RBM26: variants seen among roughly 807,000 people sequenced by gnomAD.
RBM26 encodes RNA binding motif protein 26.
A neutral mutation model predicts 123.6 loss-of-function variants in RBM26; 30 were observed. That is an observed-to-expected ratio of 0.24 (90% CI 0.18 to 0.33). RBM26 has a LOEUF of 0.33. Ranked by LOEUF, RBM26 falls within the 10% of genes least tolerant of loss-of-function variation. RBM26 has a pLI of 1.00. For missense variants in RBM26, 947 were observed against 1,203.6 expected (o/e 0.79, Z 3.15); for synonymous variants, 400 against 404.4 (o/e 0.99, Z 0.13).
In RBM26 at chr13:79,367,406, CAAAAAAA is replaced by C. The variant is rs776345304; in HGVS notation, c.896-541_896-535del. On this transcript the variant is annotated intron_variant, in intron 6 of 21. Transcript: ENST00000438737. The stretch of plus-strand genomic sequence containing the variant: ...TGGGGTATAGGGGGAGACTCCATCT[CAAAAAAA>C]AAAAAAAAAAAAAAAAAAAGAAGAA... 2.0e-3 allele frequency among the ~76,000 whole-genome samples: 79 copies of C among 39,656 alleles called. 1 individual carries two copies. Among genetic ancestry groups the C allele is most frequent in the East Asian group, 3.3e-3 (2 of 606 alleles). The allele number at this position is 39,656 out of a possible 152,430, so 26.0% of individuals were successfully genotyped here.
intron 19 of RBM26, among the ~76,000 whole-genome samples, chr13:79,336,571 A>G (rs917215721): frequency 6.6e-6 from 1 of 152,202 alleles, no homozygotes; most frequent in Non-Finnish European, 1.5e-5. Flanking sequence ...TAAATAATGG[A>G]TTAACAGAGA....
At position 79,371,231 on chromosome 13, in the gene RBM26, C is replaced by G. The variant is rs2075840836; in HGVS notation, c.417-69G>C. Reference sequence around the variant, plus strand: ...GACACAGGAAAAAGCTAATTAAATGCAAAAGTTACATTTAATTCTTGTAAC... The same window carrying G: ...GACACAGGAAAAAGCTAATTAAATGGAAAAGTTACATTTAATTCTTGTAAC... On this transcript the variant is annotated intron_variant, in intron 4 of 21. Coordinates refer to ENST00000438737, the MANE Select transcript of RBM26 (RefSeq NM_001366735.2). 3.2e-6 allele frequency: 4 copies of G among 1,234,302 alleles called. No homozygotes were observed. The Admixed American group carries it at 8.4e-5, about 26-fold the overall frequency. The allele number at this position is 1,234,302 out of a possible 1,614,324, so 76.5% of individuals were successfully genotyped here.
In RBM26 at chr13:79,337,361, A is replaced by AT. The variant is rs1179512434; in HGVS notation, c.2533-60dup. The AT allele has an allele frequency of 6.3e-6, 10 of 1,575,136 alleles. No individual in the cohort carries two copies. The Admixed American group carries it at 1.7e-4, about 27-fold the overall frequency. On this transcript the variant is annotated intron_variant, in intron 18 of 21. Transcript: ENST00000438737. ...CTGTGATTACTAACACAAGCCAAGC[A>AT]TTACACTCTGGCAGATGAATAAAAC...
chr13:79,359,056 TCA>T (rs1412573173), intron 10 of RBM26, among the ~76,000 whole-genome samples: 1 of 152,160 alleles, frequency 6.6e-6, no homozygotes, highest in Non-Finnish European at 1.5e-5. Flanking sequence ...TAGTCTCTCT[TCA>T]CAGATTTATT....
intron 1 of RBM26, among the ~76,000 whole-genome samples, chr13:79,384,010 T>C (rs1344479313): frequency 1.3e-5 from 2 of 152,102 alleles, no homozygotes; most frequent in Non-Finnish European, 2.9e-5. Flanking sequence ...CTACTTGACC[T>C]TCTTGACACA....
At chr13:79,343,443 G>C (rs1041087668) in intron 16 of RBM26, among the ~76,000 whole-genome samples, 2 of 151,796 alleles carry the variant, frequency 1.3e-5, no homozygotes, top group African/African-American at 4.8e-5. Flanking sequence ...AAAGTATTGT[G>C]ATTTTTCTTA....
exon 5 of RBM26, chr13:79,313,192 T>C (rs997968389): frequency 6.6e-6 from 1 of 151,820 alleles, no homozygotes; most frequent in African/African-American, 2.4e-5. Flanking sequence ...GAATCCTATT[T>C]AGGAAAATAA....
At chr13:79,382,330 A>G (rs565396967) in intron 1 of RBM26, among the ~76,000 whole-genome samples, 65 of 152,292 alleles carry the variant, frequency 4.3e-4, no homozygotes, top group African/African-American at 1.5e-3. Context: ...TGAATGATCT[A>G]TATCTTGTCA....
Position 79,365,639 on chromosome 13 carries a change from C to G in RBM26, c.1356G>C (p.Val452=), listed in dbSNP as rs1025617196. The change falls in exon 9 of 22, where the codon GTG becomes GTC. Residue 452 remains valine (V), a synonymous_variant. Coordinates refer to ENST00000438737, the MANE Select transcript of RBM26 (RefSeq NM_001366735.2). ...CTATCAAGTTGGGCCTTTGTGCATG[C>G]ACTCTGTGTCTATACATAGGTCTGG... ...NTSRPMYRHR[V]HAQRPNLIGL... is the part of the protein sequence containing the mutation. 3.1e-6 allele frequency: 5 copies of G among 1,613,820 alleles called. No homozygotes were observed. Among genetic ancestry groups the G allele is most frequent in the Non-Finnish European group, 3.4e-6 (4 of 1,179,818 alleles).
intron 20 of RBM26, among the ~76,000 whole-genome samples, chr13:79,327,138 A>G (rs2068548455): frequency 6.6e-6 from 1 of 151,964 alleles, no homozygotes; most frequent in African/African-American, 2.4e-5. Context: ...TCTACAAAAA[A>G]TACAAAAATT....
Position 79,320,165 on chromosome 13 carries a change from T to A in RBM26, c.*456A>T. The A allele has an allele frequency of 1.1e-6, 1 of 949,476 alleles. No individual in the cohort carries two copies. The highest frequency in any genetic ancestry group is 1.3e-6 in the Non-Finnish European group (1 of 796,842). The allele number at this position is 949,476 out of a possible 1,614,324, so 58.8% of individuals were successfully genotyped here. On this transcript the variant is annotated 3_prime_UTR_variant, in exon 22 of 22. Transcript: ENST00000438737. ...GCCTAAGCATACTACTATGTAATAT[T>A]ATAATACATAACTTGGAGACTTTAG...
At chr13:79,334,080 A>T (rs2069891304) in intron 20 of RBM26, among the ~76,000 whole-genome samples, 1 of 152,158 alleles carries the variant, frequency 6.6e-6, no homozygotes, top group South Asian at 2.1e-4. Flanking sequence ...AAAGAAAGAA[A>T]GGAGAATCCC....
rs771107952 is a variant in RBM26, at chr13:79,366,826, T to A, written c.942A>T (p.Gly314=). The A allele has an allele frequency of 1.2e-6, 2 of 1,612,960 alleles. No individual in the cohort carries two copies. The highest frequency in any genetic ancestry group is 4.5e-5 in the East Asian group (2 of 44,826). ...MRGDMCPFDH[G]SDPVVVEDVN... ...CATCTTCTACAACTACTGGATCACT[T>A]CCATGATCAAAAGGACACATGTCTC... is the stretch of plus-strand genomic sequence containing the variant. The change falls in exon 7 of 22, where the codon GGA becomes GGT. Residue 314 remains glycine (G), a synonymous_variant. Coordinates refer to ENST00000438737, the MANE Select transcript of RBM26 (RefSeq NM_001366735.2).
chr13:79,390,280 A>G, intron 1 of RBM26, among the ~76,000 whole-genome samples: 1 of 152,182 alleles, frequency 6.6e-6, no homozygotes. Context: ...TCAGCAATAC[A>G]AAGAAGCAAA....
intron 10 of RBM26, 48 bp downstream of exon 10, chr13:79,359,527 T>A: frequency 1.1e-6 from 1 of 871,314 alleles, no homozygotes; most frequent in East Asian, 2.7e-5. Context: ...GAAATGATCC[T>A]GAAAATCAAT....
chr13:79,363,283 G>T (rs1566456715), intron 9 of RBM26, among the ~76,000 whole-genome samples: 1 of 152,100 alleles, frequency 6.6e-6, no homozygotes, highest in East Asian at 1.9e-4. Context: ...AGGCTATTAG[G>T]AACGTGTAAT....
Position 79,336,081 on chromosome 13 carries a change from T to C in RBM26, c.2733+1021A>G, listed in dbSNP as rs187940115. ...TCTCCTTATGTCCTGACAAAATATC[T>C]GTAACTGCTGCAAGCCTCCAATATG... On this transcript the variant is annotated intron_variant, in intron 19 of 21. Transcript: ENST00000438737. Among the ~76,000 whole-genome samples the C allele has an allele frequency of 3.7e-3, 566 of 152,288 alleles. 2 individuals are homozygous for C. Among genetic ancestry groups the C allele is most frequent in the African/African-American group, 0.013 (535 of 41,562 alleles).
chr13:79,326,170 A>G (rs897620590), intron 20 of RBM26, among the ~76,000 whole-genome samples: 4 of 152,232 alleles, frequency 2.6e-5, no homozygotes, highest in African/African-American at 9.6e-5. Flanking sequence ...ATGATTGTAT[A>G]AACTTAGGTC....
At chr13:79,328,644 G>A (rs1242078657) in intron 20 of RBM26, among the ~76,000 whole-genome samples, 1 of 106,618 alleles carries the variant, frequency 9.4e-6, no homozygotes, top group East Asian at 3.0e-4. Flanking sequence ...TATAAGCTAT[G>A]AGCTAATTTC....
Sources: gnomAD v4.1 joint callset for allele counts (sites outside exome capture counted in the v4.1 genomes callset) on GRCh38, gnomAD v4.1.1 for gene constraint, MANE v1.5 for transcripts, NCBI Gene and HGNC (gene_info 2026-07-23, HGNC 2026-07-21) for gene names.